CFAP92: variants seen among roughly 807,000 people sequenced by gnomAD.
CFAP92 encodes the protein cilia and flagella associated protein 92 (putative).
In CFAP92, 86 loss-of-function variants were observed where a neutral mutation model predicts 106.3. That is an observed-to-expected ratio of 0.81 (90% CI 0.68 to 0.97). The LOEUF (loss-of-function observed/expected upper bound fraction) is 0.97, where lower values mean the gene tolerates loss of function less well. CFAP92 is among the 50% of genes least tolerant of loss of function. The pLI is 0.00. For synonymous variants in CFAP92, 477 were observed against 506.4 expected, an observed-to-expected ratio of 0.94 and a Z score of 0.78; for missense variants, 1,204 against 1,283.8, an observed-to-expected ratio of 0.94 and a Z score of 0.95.
At chr3:128,936,215 A>G (rs1414583928) in intron 10 of CFAP92, among the ~76,000 whole-genome samples, 1 of 152,250 alleles carries the variant, frequency 6.6e-6, no homozygotes, top group Admixed American at 6.5e-5. Context: ...AACCTGGTGA[A>G]GTCTACAATG....
At chr3:128,978,259 T>C in intron 4 of CFAP92, 74 bp from the exon 5 acceptor site, 1 of 1,531,246 alleles carries the variant, frequency 6.5e-7, no homozygotes, top group Non-Finnish European at 8.9e-7. Flanking sequence ...ACTATGGGCA[T>C]TTCTTGGAGA....
chr3:128,977,941 C>T (rs540706443), intron 5 of CFAP92, 104 bp downstream of exon 5: 425 of 1,462,332 alleles, frequency 2.9e-4, no homozygotes, highest in Non-Finnish European at 3.8e-4. Context: ...TGCCAATACA[C>T]AGGAGGGACG....
chr3:129,010,698 G>A, the CFAP92 span, among the ~76,000 whole-genome samples: 2 of 152,190 alleles, frequency 1.3e-5, no homozygotes, highest in African/African-American at 2.4e-5. The surrounding 1 kb of genome is among the most constrained non-coding windows in gnomAD (Gnocchi z 4.3). Context: ...GAGTGGGGGC[G>A]AGCAGAGGGG....
intron 2 of CFAP92, chr3:128,991,995 G>T: frequency 2.1e-6 from 1 of 487,540 alleles, no homozygotes; most frequent in Non-Finnish European, 2.7e-6. Flanking sequence ...GTGTTTGTGG[G>T]GCTAGGCTTG....
chr3:129,009,569 C>T, the CFAP92 span, among the ~76,000 whole-genome samples: 1 of 152,212 alleles, frequency 6.6e-6, no homozygotes, highest in Non-Finnish European at 1.5e-5. Context: ...ACTGGCCAAA[C>T]CTTAGTCACA....
At chr3:128,957,479 A>G (rs1270212275) in intron 9 of CFAP92, among the ~76,000 whole-genome samples, 1 of 152,212 alleles carries the variant, frequency 6.6e-6, no homozygotes, top group East Asian at 1.9e-4. Flanking sequence ...CTAAAAATCT[A>G]TACCAAGAGA....
intron 10 of CFAP92, among the ~76,000 whole-genome samples, chr3:128,937,062 AG>A (rs1207811415): frequency 6.6e-6 from 1 of 152,100 alleles, no homozygotes; most frequent in African/African-American, 2.4e-5. Context: ...TCACTTTGGG[AG>A]GTCGAGGTGG....
At chr3:129,001,695 C>G in intron 1 of CFAP92, 1 of 1,494,392 alleles carries the variant, frequency 6.7e-7, no homozygotes, top group Non-Finnish European at 8.9e-7. Flanking sequence ...GTACCGGCGA[C>G]CTGCGCGGCG....
At chr3:128,938,639 G>A (rs1287887561) in intron 10 of CFAP92, among the ~76,000 whole-genome samples, 3 of 151,636 alleles carry the variant, frequency 2.0e-5, no homozygotes, top group Admixed American at 2.0e-4. Flanking sequence ...GACTACAGGC[G>A]CCCACCACCA....
chr3:128,951,445 G>A (rs749901238), intron 9 of CFAP92, among the ~76,000 whole-genome samples: 7 of 152,052 alleles, frequency 4.6e-5, no homozygotes, highest in Non-Finnish European at 1.0e-4. Context: ...TCTGGATCAA[G>A]ATGGAATAGA....
chr3:128,966,134 T>C (rs1942345293), intron 8 of CFAP92, among the ~76,000 whole-genome samples: 1 of 152,206 alleles, frequency 6.6e-6, no homozygotes, highest in Non-Finnish European at 1.5e-5. Context: ...ATGGTAGCTA[T>C]GGGCCATAGG....
chr3:128,928,248 G>T (rs935998912), intron 12 of CFAP92, among the ~76,000 whole-genome samples: 2 of 152,020 alleles, frequency 1.3e-5, no homozygotes, highest in African/African-American at 4.8e-5. Context: ...GCAAGACTCC[G>T]TCCCAAAAAA....
chr3:129,003,909 C>G (rs1189833547), upstream of CFAP92: 3 of 1,351,946 alleles, frequency 2.2e-6, no homozygotes, highest in Non-Finnish European at 2.8e-6. Flanking sequence ...GAGGCCCGCG[C>G]TGGGCGGCTG....
At chr3:128,981,234 C>T (rs1576615799) in intron 4 of CFAP92, among the ~76,000 whole-genome samples, 1 of 151,604 alleles carries the variant, frequency 6.6e-6, no homozygotes, top group East Asian at 1.9e-4. Flanking sequence ...GACAGGGTTT[C>T]ACCACGTTAG....
intron 12 of CFAP92, among the ~76,000 whole-genome samples, chr3:128,931,579 A>G (rs1009525655): frequency 2.0e-5 from 3 of 151,052 alleles, no homozygotes; most frequent in African/African-American, 7.3e-5. Context: ...GAAATAGCCA[A>G]CTAGAGAAGA....
intron 4 of CFAP92, among the ~76,000 whole-genome samples, chr3:128,986,442 G>T (rs113045357): frequency 6.6e-6 from 1 of 151,630 alleles, no homozygotes; most frequent in South Asian, 2.1e-4. Flanking sequence ...GTCTTGCCAC[G>T]TTACCCAGGC....
At position 128,958,936 on chromosome 3, in the gene CFAP92, C is replaced by T. The variant is rs945947670; in HGVS notation, c.1353+6575G>A. 2.6e-4 allele frequency among the ~76,000 whole-genome samples: 39 copies of T among 152,078 alleles called. 1 individual carries two copies. The highest frequency in any genetic ancestry group is 7.2e-4 in the African/African-American group (30 of 41,482). Reference sequence around the variant, plus strand: ...TTTTAAAAAAGGAGACAAGGTTGGACGCAGTGGCTGACACCTGTAATCCCA... The same window carrying T: ...TTTTAAAAAAGGAGACAAGGTTGGATGCAGTGGCTGACACCTGTAATCCCA... On this transcript the variant is annotated intron_variant, in intron 9 of 15. Transcript: ENST00000645291.
intron 10 of CFAP92, among the ~76,000 whole-genome samples, chr3:128,936,927 C>A (rs114772608): frequency 0.018 from 2,781 of 152,234 alleles, 88 homozygotes; most frequent in African/African-American, 0.063. Flanking sequence ...ATGTACGATT[C>A]TTTTCTTCTT....
intron 12 of CFAP92, among the ~76,000 whole-genome samples, chr3:128,921,681 C>T (rs1937297948): frequency 6.6e-6 from 1 of 152,182 alleles, no homozygotes; most frequent in South Asian, 2.1e-4. Context: ...TGTATGCCCC[C>T]AGTGTAAGAA....
Sources: allele counts gnomAD v4.1 joint callset (sites outside exome capture counted in the v4.1 genomes callset), GRCh38; gene constraint gnomAD v4.1.1; non-coding constraint Gnocchi (gnomAD v3.1); transcripts MANE v1.5; gene names NCBI Gene and HGNC (gene_info 2026-07-23, HGNC 2026-07-21).